The following GDAP2 variants were observed in gnomAD, a reference collection of about 807,000 sequenced individuals.
GDAP2 encodes ganglioside-induced differentiation-associated protein 2.
Under a neutral mutation model 67.0 loss-of-function variants are expected in GDAP2, and 51 were observed. The observed-to-expected ratio is 0.76, with a 90% CI of 0.61 to 0.96. The LOEUF is 0.96. Ranked by LOEUF, GDAP2 falls within the 40% of genes least tolerant of loss-of-function variation. The pLI, the probability that GDAP2 is intolerant of heterozygous loss-of-function variation, is 0.00. For synonymous variants in GDAP2, 203 were observed against 207.3 expected, an observed-to-expected ratio of 0.98 and a Z score of 0.18; for missense variants, 547 against 588.3, an observed-to-expected ratio of 0.93 and a Z score of 0.73.
At chr1:117,920,080 C>T (rs113263060) in intron 2 of GDAP2, 102 bp downstream of exon 2, 42 of 673,406 alleles carry the variant, frequency 6.2e-5, no homozygotes, top group African/African-American at 1.4e-4. Context: ...TATACGTATA[C>T]GCAAAGCTGT....
chr1:117,924,944 A>G (rs1465076279), intron 1 of GDAP2, among the ~76,000 whole-genome samples: 3 of 152,140 alleles, frequency 2.0e-5, no homozygotes, highest in Non-Finnish European at 4.4e-5. Flanking sequence ...ACGCTTGACA[A>G]AAGTTCATAA....
intron 8 of GDAP2, among the ~76,000 whole-genome samples, chr1:117,895,413 T>A (rs577804167): frequency 3.1e-4 from 47 of 152,132 alleles, no homozygotes; most frequent in Non-Finnish European, 4.9e-4. Flanking sequence ...AACACTGCTA[T>A]CTTTCTCAAT....
At chr1:117,886,740 T>C (rs749488289) in intron 9 of GDAP2, 87 bp from the exon 10 acceptor site, 17 of 757,254 alleles carry the variant, frequency 2.2e-5, no homozygotes, top group Admixed American at 1.3e-4. Context: ...AAATATTCTA[T>C]GTGAATTTAA....
intron 10 of GDAP2, 63 bp from the exon 11 acceptor site, chr1:117,883,690 C>A: frequency 3.2e-6 from 4 of 1,255,978 alleles, no homozygotes; most frequent in Non-Finnish European, 4.5e-6. Context: ...TTCACAGAGA[C>A]CAAGAAAAAA....
chr1:117,908,563 C>T (rs1649737359), intron 5 of GDAP2, among the ~76,000 whole-genome samples: 1 of 152,104 alleles, frequency 6.6e-6, no homozygotes, highest in Admixed American at 6.6e-5. Flanking sequence ...AGGCTCATGG[C>T]TATAATCCCA....
chr1:117,882,113 G>A (rs1226782752), intron 11 of GDAP2, among the ~76,000 whole-genome samples: 3 of 151,944 alleles, frequency 2.0e-5, no homozygotes, highest in Admixed American at 2.0e-4. Context: ...AGCTGCTATA[G>A]GTAGGACAAA....
rs1570960525 is a variant in GDAP2 at position 117,870,340 on chromosome 1, T to C, written c.*229A>G. ...TCTATTAACAATCTAAAAATGAACA[T>C]TTCCATTTCATATAAATATACAAAT... On this transcript the variant is annotated 3_prime_UTR_variant, in exon 14 of 14. Transcript: ENST00000369443. 1 of 518,660 alleles carries C rather than the reference T, an allele frequency of 1.9e-6. No individual in the cohort carries two copies. The highest frequency in any genetic ancestry group is 3.4e-6 in the Non-Finnish European group (1 of 295,468). The allele number at this position is 518,660 out of a possible 1,614,324, so 32.1% of individuals were successfully genotyped here. A position where few individuals can be genotyped will look rare whatever the true frequency, so the allele number is the denominator to read the frequency against.
chr1:117,877,163 T>C (rs1167046961), intron 13 of GDAP2: 1 of 309,358 alleles, frequency 3.2e-6, no homozygotes, highest in Non-Finnish European at 4.7e-6. Context: ...TTATACACTT[T>C]ACTCTGCACA....
chr1:117,897,190 G>A (rs1367611150), intron 7 of GDAP2, among the ~76,000 whole-genome samples: 2 of 152,232 alleles, frequency 1.3e-5, no homozygotes, highest in African/African-American at 2.4e-5. Flanking sequence ...TGTGACAAAG[G>A]TTTTAGCAAT....
At chr1:117,891,003 T>C (rs931046151) in intron 8 of GDAP2, among the ~76,000 whole-genome samples, 2 of 151,872 alleles carry the variant, frequency 1.3e-5, no homozygotes, top group African/African-American at 4.8e-5. Flanking sequence ...CACTGGAACA[T>C]TTCGGATTTT....
intron 8 of GDAP2, among the ~76,000 whole-genome samples, chr1:117,895,430 G>T (rs1302697114): frequency 6.6e-6 from 1 of 151,724 alleles, no homozygotes; most frequent in Non-Finnish European, 1.5e-5. Flanking sequence ...CAATAAAAAA[G>T]TTATTTTAAA....
At chr1:117,871,703 C>A (rs1331101002) in intron 13 of GDAP2, among the ~76,000 whole-genome samples, 1 of 152,034 alleles carries the variant, frequency 6.6e-6, no homozygotes, top group African/African-American at 2.4e-5. Flanking sequence ...AACAAGACAT[C>A]TAGGAAAACT....
At chr1:117,881,749 G>A (rs1648653928) in intron 12 of GDAP2, 74 bp downstream of exon 12, 2 of 803,700 alleles carry the variant, frequency 2.5e-6, no homozygotes, top group Non-Finnish European at 2.2e-6. Flanking sequence ...TTAAGTTGCT[G>A]AGCTATTATC....
chr1:117,913,090 C>T (rs1649917236), intron 3 of GDAP2, among the ~76,000 whole-genome samples: 1 of 152,196 alleles, frequency 6.6e-6, no homozygotes. Context: ...ATCCTGAGTT[C>T]CTGTCAAGAC....
rs112229536 is a variant in GDAP2 at position 117,864,678 on chromosome 1, T to A, written c.*5891A>T. The A allele has an allele frequency of 5.9e-5, 9 of 152,176 alleles. No individual in the cohort carries two copies. The highest frequency in any genetic ancestry group is 1.3e-4 in the Non-Finnish European group (9 of 68,028). The allele number at this position is 152,176 out of a possible 1,614,324, so 9.4% of individuals were successfully genotyped here. On this transcript the variant is annotated 3_prime_UTR_variant, in exon 14 of 14. Transcript: ENST00000369443. Reference sequence around the variant, plus strand: ...TTATACCTAGTTTTATGTTTATATATATTTAGATAACATTATAATAAATAT... The same window carrying A: ...TTATACCTAGTTTTATGTTTATATAAATTTAGATAACATTATAATAAATAT...
At chr1:117,910,329 C>T (rs181534494) in intron 5 of GDAP2, among the ~76,000 whole-genome samples, 2 of 152,114 alleles carry the variant, frequency 1.3e-5, no homozygotes, top group Admixed American at 6.5e-5. Context: ...ATTTACTTGT[C>T]CCTTTTAAAA....
At chr1:117,891,278 T>A (rs1296084364) in intron 8 of GDAP2, among the ~76,000 whole-genome samples, 1 of 151,652 alleles carries the variant, frequency 6.6e-6, no homozygotes, top group Non-Finnish European at 1.5e-5. Context: ...TACATGTGCA[T>A]GATTGCTCTT....
At chr1:117,879,208 AAC>A (rs2101120178) in intron 12 of GDAP2, among the ~76,000 whole-genome samples, 1 of 152,294 alleles carries the variant, frequency 6.6e-6, no homozygotes, top group African/African-American at 2.4e-5. Context: ...AGCAATTGTA[AAC>A]ACACAGAACT....
intron 6 of GDAP2, among the ~76,000 whole-genome samples, chr1:117,904,103 C>T (rs997461976): frequency 6.6e-6 from 1 of 151,796 alleles, no homozygotes; most frequent in Admixed American, 6.5e-5. Flanking sequence ...TCTCATATCT[C>T]AGCCTCCCTA....
Sources: allele counts gnomAD v4.1 joint callset (sites outside exome capture counted in the v4.1 genomes callset), GRCh38; gene constraint gnomAD v4.1.1; transcripts MANE v1.5; gene names NCBI Gene and HGNC (gene_info 2026-07-23, HGNC 2026-07-21).